Variants in ADAMTSL1 observed in about 807,000 individuals in gnomAD.
The protein encoded by ADAMTSL1 is ADAMTS like 1.
ADAMTSL1 carries 126 observed loss-of-function variants against 201.8 expected under a neutral mutation model. The observed-to-expected ratio is 0.62, with a 90% CI of 0.54 to 0.72. ADAMTSL1 has a LOEUF of 0.72. Among genes scored for constraint, ADAMTSL1 ranks in the 30% least tolerant of loss-of-function variants. The pLI is 0.00. For synonymous variants in ADAMTSL1, 1,121 were observed against 903.4 expected, an observed-to-expected ratio of 1.24 and a Z score of -4.32; for missense variants, 2,679 against 2,277.8, an observed-to-expected ratio of 1.18 and a Z score of -3.59.
chr9:18,028,923 G>A lies in ADAMTSL1; in HGVS notation c.87+122001G>A, dbSNP rs149951212. On this transcript the variant is annotated intron_variant, in intron 1 of 29. Transcript: ENST00000680146. Reference sequence around the variant, plus strand: ...GAATGGTCTTCCATTTGTTTGTGTCGTCTTTGATTTCATTGAGCAGTGGTT... The same window carrying A: ...GAATGGTCTTCCATTTGTTTGTGTCATCTTTGATTTCATTGAGCAGTGGTT... Among the ~76,000 whole-genome samples, 587 of 152,096 alleles carry A rather than the reference G, an allele frequency of 3.9e-3. 6 individuals carry two copies. Among genetic ancestry groups the A allele is most frequent in the African/African-American group, 0.012 (499 of 41,520 alleles).
At chr9:18,746,595 A>G (rs1819159808) in intron 15 of ADAMTSL1, among the ~76,000 whole-genome samples, 1 of 152,188 alleles carries the variant, frequency 6.6e-6, no homozygotes, top group Non-Finnish European at 1.5e-5. Context: ...AAGTCGAGGT[A>G]AAAGAAGGTT....
rs372232826 is a variant in ADAMTSL1 at position 18,770,770 on chromosome 9, G to A, written c.2386G>A (p.Asp796Asn). 2 of 1,613,670 alleles carry A rather than the reference G, an allele frequency of 1.2e-6. No individual in the cohort carries two copies. The highest frequency in any genetic ancestry group is 2.2e-5 in the East Asian group (1 of 44,900). The change falls in exon 17 of 29, where the codon GAC (aspartate) becomes AAC (asparagine). Residue 796 changes from aspartate (D) to asparagine (N), a missense_variant. Asp to Asn is a conservative substitution (Grantham distance 23). Coordinates refer to ENST00000380548, the MANE Select transcript of ADAMTSL1 (RefSeq NM_001040272.6). ...CTGTCCCAGCGAGTGGCTTCTCTCAGACTGGACAGAGGTATGTATGTTCCT... is the reference window on the plus strand; with the variant it reads ...CTGTCCCAGCGAGTGGCTTCTCTCAAACTGGACAGAGGTATGTATGTTCCT... ...DDCPSEWLLS[D>N]WTECSTSCGE... is the part of the protein sequence containing the mutation.
chr9:18,816,537 C>T (rs1024806932), intron 20 of ADAMTSL1, among the ~76,000 whole-genome samples: 3 of 152,026 alleles, frequency 2.0e-5, no homozygotes, highest in Admixed American at 2.0e-4. Context: ...GCACCCAGCA[C>T]TCTCTATTAT....
At chr9:18,308,004 C>G (rs918584350) in intron 2 of ADAMTSL1, among the ~76,000 whole-genome samples, 16 of 152,142 alleles carry the variant, frequency 1.1e-4, no homozygotes, top group African/African-American at 3.9e-4. Context: ...TCTTACACCA[C>G]AGTGTAATCA....
chr9:17,927,483 G>A (rs1826596562), intron 1 of ADAMTSL1, among the ~76,000 whole-genome samples: 1 of 151,190 alleles, frequency 6.6e-6, no homozygotes, highest in Admixed American at 6.6e-5. Flanking sequence ...TTATATAAAT[G>A]TATATTGATA....
At chr9:18,691,108 C>G (rs949569228) in intron 13 of ADAMTSL1, among the ~76,000 whole-genome samples, 6 of 152,128 alleles carry the variant, frequency 3.9e-5, no homozygotes, top group African/African-American at 1.4e-4. Context: ...TTAAGAAATG[C>G]AATTTGATGT....
intron 3 of ADAMTSL1, 60 bp from the exon 4 acceptor site, chr9:18,573,970 G>C (rs1174148154): frequency 9.9e-6 from 14 of 1,410,136 alleles, no homozygotes; most frequent in Non-Finnish European, 1.4e-5. Flanking sequence ...AGCTGCTCTG[G>C]TTTCATGTTT....
chr9:18,493,449 C>G lies in ADAMTSL1; in HGVS notation c.64-11380C>G, dbSNP rs143835316. Among the ~76,000 whole-genome samples the G allele has an allele frequency of 1.2e-3, 177 of 152,306 alleles. 1 individual carries two copies. The highest frequency in any genetic ancestry group is 4.0e-3 in the African/African-American group (168 of 41,556). On this transcript the variant is annotated intron_variant, in intron 1 of 28. Coordinates refer to ENST00000380548, the MANE Select transcript of ADAMTSL1 (RefSeq NM_001040272.6). ...TCTCATTCCCAGTTCTCTTTCTAATCCCAGCACACTCATCTTCAAAAGCAC... is the reference window on the plus strand; with the variant it reads ...TCTCATTCCCAGTTCTCTTTCTAATGCCAGCACACTCATCTTCAAAAGCAC...
intron 1 of ADAMTSL1, among the ~76,000 whole-genome samples, chr9:18,129,516 A>G (rs1408315402): frequency 1.3e-5 from 2 of 152,096 alleles, no homozygotes; most frequent in East Asian, 3.9e-4. Context: ...TCTTTTCAAT[A>G]TCATCCCTTT....
chr9:17,936,477 C>T (rs534970327), intron 1 of ADAMTSL1, among the ~76,000 whole-genome samples: 3 of 152,246 alleles, frequency 2.0e-5, no homozygotes, highest in South Asian at 2.1e-4. Flanking sequence ...TGACCTCAGG[C>T]GAGTCTAGTA....
At chr9:18,626,606 G>C (rs1369067824) in intron 5 of ADAMTSL1, among the ~76,000 whole-genome samples, 1 of 152,174 alleles carries the variant, frequency 6.6e-6, no homozygotes, top group African/African-American at 2.4e-5. Context: ...TTTTTTGTAA[G>C]TCTGAATGAA....
At chr9:18,864,250 C>T (rs1034820289) in intron 23 of ADAMTSL1, among the ~76,000 whole-genome samples, 2 of 152,162 alleles carry the variant, frequency 1.3e-5, no homozygotes, top group African/African-American at 2.4e-5. Context: ...TTATCAAGCT[C>T]AGGTGCCTTT....
chr9:18,474,356 T>A, intron 1 of ADAMTSL1, 61 bp downstream of exon 1: 1 of 1,442,616 alleles, frequency 6.9e-7, no homozygotes, highest in Non-Finnish European at 9.7e-7. Flanking sequence ...CTGTTGGGGG[T>A]GTGTGTGTGT....
chr9:18,462,819 A>G (rs1820857928), intron 2 of ADAMTSL1, among the ~76,000 whole-genome samples: 1 of 151,972 alleles, frequency 6.6e-6, no homozygotes, highest in Admixed American at 6.6e-5. Flanking sequence ...CGCACCTGTA[A>G]TTCTAGCTAC....
At chr9:18,612,078 G>A (rs1165272563) in intron 4 of ADAMTSL1, among the ~76,000 whole-genome samples, 1 of 152,198 alleles carries the variant, frequency 6.6e-6, no homozygotes, top group Non-Finnish European at 1.5e-5. Flanking sequence ...TGGTGTCAGA[G>A]TCAGGGCATG....
intron 2 of ADAMTSL1, among the ~76,000 whole-genome samples, chr9:18,254,344 G>GGTTT (rs1831584357): frequency 1.8e-5 from 1 of 55,128 alleles, no homozygotes; most frequent in African/African-American, 6.1e-5. Context: ...TACTCTTTTT[G>GGTTT]GTTTTTTTTT....
At chr9:17,930,128 T>C (rs978043232) in intron 1 of ADAMTSL1, among the ~76,000 whole-genome samples, 1 of 152,172 alleles carries the variant, frequency 6.6e-6, no homozygotes, top group African/African-American at 2.4e-5. Flanking sequence ...TCCTGAAATC[T>C]CAGAGTTTTA....
chr9:18,189,692 C>T (rs2132225683), intron 2 of ADAMTSL1, among the ~76,000 whole-genome samples: 1 of 152,244 alleles, frequency 6.6e-6, no homozygotes, highest in South Asian at 2.1e-4. Context: ...CTAATTTTTA[C>T]TAGGAAATTA....
At chr9:18,657,802 T>C in intron 8 of ADAMTSL1, 52 bp downstream of exon 8, 2 of 1,445,824 alleles carry the variant, frequency 1.4e-6, no homozygotes, top group South Asian at 1.1e-5. Context: ...AGGAAATACT[T>C]GGGTATTATA....
Sources: gnomAD v4.1 joint callset for allele counts (sites outside exome capture counted in the v4.1 genomes callset) on GRCh38, gnomAD v4.1.1 for gene constraint, MANE v1.5 for transcripts, NCBI Gene and HGNC (gene_info 2026-07-23, HGNC 2026-07-21) for gene names.